Variants in ADGRF5 observed in about 807,000 individuals in gnomAD.
The protein encoded by ADGRF5 is G-protein coupled receptor 116.
In ADGRF5, 75 loss-of-function variants were observed where a neutral mutation model predicts 132.3. The ratio of observed to expected loss-of-function variants is 0.57; its 90% CI spans 0.47 to 0.69. The LOEUF is 0.69. Ranked by LOEUF, ADGRF5 falls within the 30% of genes least tolerant of loss-of-function variation. The pLI, the probability that ADGRF5 is intolerant of heterozygous loss-of-function variation, is 0.00. For synonymous variants in ADGRF5, 629 were observed against 597.6 expected, an observed-to-expected ratio of 1.05 and a Z score of -0.77; for missense variants, 1,516 against 1,630.6, an observed-to-expected ratio of 0.93 and a Z score of 1.21.
At chr6:46,878,471 G>A (rs183746572) in intron 9 of ADGRF5, 66 bp from the exon 10 acceptor site, 40 of 944,430 alleles carry the variant, frequency 4.2e-5, no homozygotes, top group Middle Eastern at 5.9e-4. Context: ...GGAATGTACC[G>A]TCAGCTCATG....
intron 2 of ADGRF5, among the ~76,000 whole-genome samples, chr6:46,905,964 A>G (rs2150895302): frequency 6.6e-6 from 1 of 152,354 alleles, no homozygotes; most frequent in East Asian, 1.9e-4. Context: ...AAATTGAGAC[A>G]GAGAGAATTA....
In ADGRF5 at chr6:46,891,250, C is replaced by A. The variant is rs138423334; in HGVS notation, c.158-2745G>T. 7.7e-3 allele frequency among the ~76,000 whole-genome samples: 1,167 copies of A among 152,236 alleles called. 11 individuals are homozygous for A. The highest frequency in any genetic ancestry group is 0.026 in the African/African-American group (1,093 of 41,488). Reference sequence around the variant, plus strand: ...TTGCCTAAAATTTCCTGTTGACTTTCTGATTCTCCAATGGTTCTGTGATGA... The same window carrying A: ...TTGCCTAAAATTTCCTGTTGACTTTATGATTCTCCAATGGTTCTGTGATGA... On this transcript the variant is annotated intron_variant, in intron 3 of 20. Transcript: ENST00000283296.
chr6:46,917,680 C>T (rs1562237682), intron 1 of ADGRF5, among the ~76,000 whole-genome samples: 2 of 152,152 alleles, frequency 1.3e-5, no homozygotes, highest in Non-Finnish European at 2.9e-5. Context: ...TCACCCGCCC[C>T]CCACAGGCCC....
At chr6:46,880,320 A>G (rs1772310027) in intron 8 of ADGRF5, among the ~76,000 whole-genome samples, 1 of 150,752 alleles carries the variant, frequency 6.6e-6, no homozygotes, top group Non-Finnish European at 1.5e-5. Context: ...TATTTTCAAT[A>G]TTTCAAAAAG....
chr6:46,864,900 A>G (rs1353785618), intron 14 of ADGRF5, 142 bp downstream of exon 14: 7 of 527,120 alleles, frequency 1.3e-5, no homozygotes, highest in Non-Finnish European at 2.3e-5. Context: ...TTTCTTTTAA[A>G]TACCACTATG....
intron 3 of ADGRF5, among the ~76,000 whole-genome samples, chr6:46,899,085 G>C (rs1774476380): frequency 1.3e-5 from 2 of 152,144 alleles, no homozygotes; most frequent in African/African-American, 2.4e-5. Context: ...ATGTATCAAG[G>C]GGAATGGGAA....
chr6:46,867,272 G>A (rs2150802263), intron 12 of ADGRF5, 135 bp from the exon 13 acceptor site: 1 of 600,392 alleles, frequency 1.7e-6, no homozygotes, highest in East Asian at 2.8e-5. Context: ...CCTGGACACT[G>A]GAGGAAAAAA....
Position 46,858,514 on chromosome 6 carries a change from A to G in ADGRF5, c.3389T>C (p.Ile1130Thr), listed in dbSNP as rs368007845. Residue 1130 changes from isoleucine (I) to threonine (T), a missense_variant, in exon 17 of 21, where the codon ATT becomes ACT. Physicochemically the swap from Ile to Thr is moderately conservative, Grantham distance 89. This residue lies in a region of ADGRF5 where 571 missense variants were observed against 701.2 expected (regional missense o/e 0.81). Transcript: ENST00000283296. Reference protein sequence around the residue: ...HETSRSTQKAIAFCLGYGCPL... With the variant: ...HETSRSTQKATAFCLGYGCPL... ...GCAGCCATAGCCAAGACAGAAGGCA[A>G]TGGCTTTCTGAGTGGACCTGCTTGT... The G allele has an allele frequency of 5.8e-5, 93 of 1,613,936 alleles. No individual in the cohort carries two copies. Among genetic ancestry groups the G allele is most frequent in the Admixed American group, 1.0e-4 (6 of 60,000 alleles).
At chr6:46,944,898 T>A (rs557088173) in intron 1 of ADGRF5, among the ~76,000 whole-genome samples, 259 of 152,150 alleles carry the variant, frequency 1.7e-3, no homozygotes, top group African/African-American at 5.8e-3. Context: ...GGAGGTTGGG[T>A]GGAATCTGTA....
chr6:46,901,451 C>T (rs560843170), intron 2 of ADGRF5, among the ~76,000 whole-genome samples: 7 of 152,178 alleles, frequency 4.6e-5, no homozygotes, highest in African/African-American at 1.2e-4. Flanking sequence ...CTCATTCTGC[C>T]GTCAGGGTTG....
chr6:46,868,272 T>C (rs1770672721), intron 12 of ADGRF5, among the ~76,000 whole-genome samples: 1 of 152,226 alleles, frequency 6.6e-6, no homozygotes. Flanking sequence ...CTCAGTTTCC[T>C]CATCTGTAAA....
intron 8 of ADGRF5, among the ~76,000 whole-genome samples, chr6:46,880,580 G>A (rs1352216905): frequency 6.6e-6 from 1 of 152,108 alleles, no homozygotes; most frequent in Non-Finnish European, 1.5e-5. Context: ...GAGCTTTATA[G>A]ACAGTAAGTT....
rs1769269486 is a variant in ADGRF5, at chr6:46,858,137, C to T, written c.3766G>A (p.Val1256Ile). ...VFHIIFAILNVFQGLFILLFG... is the reference protein window; with the variant it reads ...VFHIIFAILNIFQGLFILLFG... ...CGCACTGTAAAACTCACCTGGAAGA[C>T]ATTGAGGATGGCAAATATGATATGG... The change falls in exon 17 of 21, where the codon GTC (valine) becomes ATC (isoleucine). Residue 1256 changes from valine (V) to isoleucine (I), a missense_variant. By Grantham distance (29) the Val-to-Ile change is conservative. Transcript: ENST00000283296. The T allele has an allele frequency of 6.2e-7, 1 of 1,609,764 alleles. No homozygotes were observed. Among genetic ancestry groups the T allele is most frequent in the Non-Finnish European group, 8.5e-7 (1 of 1,177,176 alleles).
At chr6:46,920,454 C>T (rs1479591632) in intron 1 of ADGRF5, among the ~76,000 whole-genome samples, 3 of 139,084 alleles carry the variant, frequency 2.2e-5, no homozygotes, top group Non-Finnish European at 4.5e-5. Flanking sequence ...CCGGCTTGTC[C>T]TATAGAGCTC....
intron 1 of ADGRF5, chr6:46,908,812 CAGA>C (rs1775650397): frequency 1.3e-5 from 2 of 152,112 alleles, no homozygotes; most frequent in Admixed American, 6.6e-5. Context: ...TCTCTGGATG[CAGA>C]AGATGATATA....
At chr6:46,854,190 C>A (rs1396828904) in intron 20 of ADGRF5, 119 bp from the exon 21 acceptor site, 5 of 640,702 alleles carry the variant, frequency 7.8e-6, no homozygotes, top group African/African-American at 1.9e-5. Context: ...CTCGGCCATG[C>A]CTGGAAACCA....
intron 3 of ADGRF5, among the ~76,000 whole-genome samples, chr6:46,899,585 G>T (rs1379449993): frequency 6.6e-6 from 1 of 152,132 alleles, no homozygotes; most frequent in Non-Finnish European, 1.5e-5. Flanking sequence ...AAATTGGAGT[G>T]GGAAACAGAG....
At chr6:46,943,523 A>G (rs868256409) in intron 1 of ADGRF5, among the ~76,000 whole-genome samples, 3 of 152,272 alleles carry the variant, frequency 2.0e-5, no homozygotes, top group Middle Eastern at 6.8e-3. Context: ...TTTAATTGCT[A>G]TCTCTTGTTG....
Position 46,881,466 on chromosome 6 carries a change from G to C in ADGRF5, c.803C>G (p.Ala268Gly). The change falls in exon 8 of 21, where the codon GCA becomes GGA. Residue 268 changes from alanine to glycine, a missense_variant. Coordinates refer to ENST00000283296, the MANE Select transcript of ADGRF5 (RefSeq NM_001098518.2). Reference protein sequence around the residue: ...TYKMDYNSFQAVTINESNFFV... With the variant: ...TYKMDYNSFQGVTINESNFFV... ...ACAATTTCACTTACTGATAGTAACTGCTTGAAAGGAGTTGTAGTCCATTTT... is the reference window on the plus strand; with the variant it reads ...ACAATTTCACTTACTGATAGTAACTCCTTGAAAGGAGTTGTAGTCCATTTT... 6.2e-7 allele frequency: 1 copy of C among 1,612,620 alleles called. No individual in the cohort carries two copies. The highest frequency in any genetic ancestry group is 8.5e-7 in the Non-Finnish European group (1 of 1,178,692).
Sources: gnomAD v4.1 joint callset for allele counts (sites outside exome capture counted in the v4.1 genomes callset) on GRCh38, gnomAD v4.1.1 for gene constraint, gnomAD v4.1.1 regional missense constraint, MANE v1.5 for transcripts, NCBI Gene and HGNC (gene_info 2026-07-23, HGNC 2026-07-21) for gene names.